GRID1: variants seen among roughly 807,000 people sequenced by gnomAD.
The protein encoded by GRID1 is glutamate ionotropic receptor delta type subunit 1.
Under a neutral mutation model 98.0 loss-of-function variants are expected in GRID1, and 28 were observed. The observed-to-expected ratio is 0.29, with a 90% CI of 0.21 to 0.39. GRID1 has a LOEUF of 0.39. Among genes scored for constraint, GRID1 ranks in the 10% least tolerant of loss-of-function variants. GRID1 has a pLI of 1.00. For synonymous variants in GRID1, 553 were observed against 538.5 expected, an observed-to-expected ratio of 1.03 and a Z score of -0.37; for missense variants, 1,111 against 1,340.5, an observed-to-expected ratio of 0.83 and a Z score of 2.67.
At chr10:85,774,324 T>G (rs1842306500) in intron 8 of GRID1, among the ~76,000 whole-genome samples, 1 of 152,138 alleles carries the variant, frequency 6.6e-6, no homozygotes, top group South Asian at 2.1e-4. Flanking sequence ...AAAAATTAAT[T>G]CAAGATGGAT....
intron 12 of GRID1, 137 bp downstream of exon 12, chr10:85,722,866 T>C (rs1841718798): frequency 4.1e-6 from 2 of 482,916 alleles, no homozygotes; most frequent in East Asian, 3.5e-5. Context: ...CTCTTCTCCA[T>C]GCACTAAAGA....
At chr10:86,060,789 T>C (rs1843637634) in intron 4 of GRID1, among the ~76,000 whole-genome samples, 1 of 152,152 alleles carries the variant, frequency 6.6e-6, no homozygotes, top group Non-Finnish European at 1.5e-5. Context: ...AGGCCACAGC[T>C]ACTGCACCAT....
At chr10:86,179,679 C>T (rs571838975) in intron 3 of GRID1, among the ~76,000 whole-genome samples, 8 of 152,314 alleles carry the variant, frequency 5.3e-5, no homozygotes, top group African/African-American at 1.7e-4. Flanking sequence ...GTACGAACCT[C>T]AGGGCCACAG....
chr10:85,828,850 T>A (rs1026662681), intron 8 of GRID1, among the ~76,000 whole-genome samples: 9 of 152,120 alleles, frequency 5.9e-5, no homozygotes, highest in African/African-American at 1.7e-4. Context: ...CAGGACTAGA[T>A]GGATTAACAG....
chr10:86,337,086 C>T (rs1848233269), intron 2 of GRID1, among the ~76,000 whole-genome samples: 1 of 151,802 alleles, frequency 6.6e-6, no homozygotes, highest in Admixed American at 6.6e-5. Context: ...CTCCTGACCT[C>T]GTGATCCGCC....
At chr10:85,611,574 C>A (rs137949962) in intron 15 of GRID1, among the ~76,000 whole-genome samples, 38 of 152,316 alleles carry the variant, frequency 2.5e-4, no homozygotes, top group Admixed American at 1.2e-3. Context: ...ACAAACAACA[C>A]GGAGCGGGTG....
intron 8 of GRID1, among the ~76,000 whole-genome samples, chr10:85,832,001 T>A (rs1457997111): frequency 1.3e-5 from 2 of 152,004 alleles, no homozygotes; most frequent in African/African-American, 2.4e-5. Flanking sequence ...CCAAAATTTG[T>A]TTTTTGAAAA....
At chr10:86,097,792 C>A (rs993784682) in intron 4 of GRID1, among the ~76,000 whole-genome samples, 1 of 152,172 alleles carries the variant, frequency 6.6e-6, no homozygotes, top group Non-Finnish European at 1.5e-5. Context: ...GAGGGTGAGA[C>A]AAAGCCAAGT....
intron 2 of GRID1, among the ~76,000 whole-genome samples, chr10:86,245,314 G>C (rs1306140311): frequency 2.0e-5 from 3 of 152,226 alleles, no homozygotes; most frequent in Non-Finnish European, 1.5e-5. Context: ...TTAGGAAACT[G>C]CCCATGCTGG....
intron 10 of GRID1, among the ~76,000 whole-genome samples, chr10:85,727,591 A>G (rs1841775258): frequency 6.6e-6 from 1 of 152,178 alleles, no homozygotes; most frequent in Non-Finnish European, 1.5e-5. Context: ...TGTGCTACAG[A>G]GTAGGCACAG....
chr10:85,634,696 C>T (rs886320302), intron 13 of GRID1, among the ~76,000 whole-genome samples: 3 of 152,068 alleles, frequency 2.0e-5, no homozygotes, highest in Admixed American at 6.6e-5. Context: ...TTTCTCTTCC[C>T]TCTTGCTCCT....
In GRID1 at chr10:86,157,162, T is replaced by C. The variant is rs117101083; in HGVS notation, c.521-18138A>G. Among the ~76,000 whole-genome samples the C allele has an allele frequency of 5.2e-3, 792 of 152,300 alleles. 5 individuals are homozygous for C. The highest frequency in any genetic ancestry group is 8.9e-3 in the Non-Finnish European group (608 of 68,024). Reference sequence around the variant, plus strand: ...AGCTTAGGATGGAAGCTACGAGTTCTGATGGGGGCTTGTTTACTGTGAGGT... The same window carrying C: ...AGCTTAGGATGGAAGCTACGAGTTCCGATGGGGGCTTGTTTACTGTGAGGT... On this transcript the variant is annotated intron_variant, in intron 3 of 15. Transcript: ENST00000327946.
intron 12 of GRID1, among the ~76,000 whole-genome samples, chr10:85,702,184 C>T (rs1467406229): frequency 4.0e-5 from 6 of 151,674 alleles, no homozygotes; most frequent in African/African-American, 1.5e-4. Flanking sequence ...TATAACAAAA[C>T]TATAAAATGA....
chr10:86,319,589 G>C (rs1847942489), intron 2 of GRID1, among the ~76,000 whole-genome samples: 1 of 152,172 alleles, frequency 6.6e-6, no homozygotes, highest in African/African-American at 2.4e-5. Flanking sequence ...AACTCCTGTG[G>C]GTAAAGCACC....
chr10:86,120,838 G>T (rs1564681073), intron 4 of GRID1, among the ~76,000 whole-genome samples: 1 of 152,164 alleles, frequency 6.6e-6, no homozygotes, highest in Non-Finnish European at 1.5e-5. Flanking sequence ...GTCGTGGGGG[G>T]AGTGATGCCA....
chr10:85,819,126 G>T lies in GRID1; in HGVS notation c.1233+35370C>A, dbSNP rs370337639. On this transcript the variant is annotated intron_variant, in intron 8 of 15. Transcript: ENST00000327946. ...TAAATAAATGGGAGGGAGGGGAAGA[G>T]TCAAATCCTCATTACGTAAGAATTC... Among the ~76,000 whole-genome samples, 16 of 152,292 alleles carry T rather than the reference G, an allele frequency of 1.1e-4. No homozygotes were observed. The South Asian group carries it at 1.7e-3, about 16-fold the overall frequency.
Position 86,321,055 on chromosome 10 carries a change from G to A in GRID1, c.235+42886C>T, listed in dbSNP as rs184045179. On this transcript the variant is annotated intron_variant, in intron 2 of 15. Transcript: ENST00000327946. ...GCGGAGCTTGCAGTGAGCCAAGATC[G>A]CGCCACTGCACTCCAGCCTGGGCGA... Among the ~76,000 whole-genome samples, 927 of 149,584 alleles carry A rather than the reference G, an allele frequency of 6.2e-3. 8 individuals are homozygous for A. Among genetic ancestry groups the A allele is most frequent in the African/African-American group, 0.022 (874 of 40,432 alleles).
intron 4 of GRID1, among the ~76,000 whole-genome samples, chr10:85,957,407 A>G (rs1057273631): frequency 2.6e-5 from 4 of 152,058 alleles, no homozygotes; most frequent in African/African-American, 9.7e-5. Context: ...TTAGAGCCCC[A>G]CGAGAAAGCA....
chr10:86,299,343 T>A (rs1360314054), intron 2 of GRID1, among the ~76,000 whole-genome samples: 2 of 151,442 alleles, frequency 1.3e-5, no homozygotes, highest in Non-Finnish European at 2.9e-5. Flanking sequence ...TTTTTTTTTT[T>A]ATCATTATAC....
Sources: gnomAD v4.1 joint callset for allele counts (sites outside exome capture counted in the v4.1 genomes callset) on GRCh38, gnomAD v4.1.1 for gene constraint, MANE v1.5 for transcripts, NCBI Gene and HGNC (gene_info 2026-07-23, HGNC 2026-07-21) for gene names.